CSMD1: variants seen among roughly 807,000 people sequenced by gnomAD.
CSMD1 encodes the protein CUB and Sushi multiple domains 1.
A neutral mutation model predicts 417.5 loss-of-function variants in CSMD1; 213 were observed. The observed-to-expected ratio is 0.51, with a 90% CI of 0.46 to 0.57. CSMD1 has a LOEUF of 0.57. Among genes scored for constraint, CSMD1 ranks in the 20% least tolerant of loss-of-function variants. The pLI is 0.00. For synonymous variants in CSMD1, 2,862 were observed against 1,736.8 expected, an observed-to-expected ratio of 1.65 and a Z score of -16.11; for missense variants, 6,923 against 4,529.7, an observed-to-expected ratio of 1.53 and a Z score of -15.17.
rs143859556 is a variant in CSMD1, at chr8:4,889,195, C to T, written c.85+105137G>A. ...GTGGAGAATACTGACAGACATGCCC[C>T]AACCAAGTGTCAAAGCTGGTATCAG... is the stretch of plus-strand genomic sequence containing the variant. On this transcript the variant is annotated intron_variant, in intron 1 of 69. Coordinates refer to ENST00000635120, the MANE Select transcript of CSMD1 (RefSeq NM_033225.6). 7.9e-5 allele frequency among the ~76,000 whole-genome samples: 12 copies of T among 152,190 alleles called. No individual in the cohort carries two copies. In the East Asian group the frequency reaches 1.9e-3, roughly 24 times the overall value.
chr8:3,292,655 C>T (rs538388698), intron 25 of CSMD1, among the ~76,000 whole-genome samples: 1 of 152,096 alleles, frequency 6.6e-6, no homozygotes, highest in Non-Finnish European at 1.5e-5. Flanking sequence ...GCAACCCCTG[C>T]CTTTTTTGTT....
intron 3 of CSMD1, among the ~76,000 whole-genome samples, chr8:4,233,945 T>C (rs1301128368): frequency 1.4e-5 from 2 of 147,292 alleles, no homozygotes; most frequent in Non-Finnish European, 3.0e-5. Context: ...GTGAGACTAA[T>C]GCATGGAGAG....
At chr8:4,422,249 G>A (rs1208016552) in intron 2 of CSMD1, among the ~76,000 whole-genome samples, 2 of 152,142 alleles carry the variant, frequency 1.3e-5, no homozygotes, top group South Asian at 2.1e-4. Context: ...GTCTCTTCCA[G>A]AAAGTGTAAG....
At chr8:3,384,249 A>G (rs1396462958) in intron 18 of CSMD1, among the ~76,000 whole-genome samples, 1 of 152,154 alleles carries the variant, frequency 6.6e-6, no homozygotes, top group Non-Finnish European at 1.5e-5. Context: ...TCACATAATA[A>G]TTTTAAGTTT....
chr8:3,868,662 C>G (rs1335463431), intron 5 of CSMD1, among the ~76,000 whole-genome samples: 8 of 152,190 alleles, frequency 5.3e-5, no homozygotes, highest in Non-Finnish European at 1.0e-4. Context: ...AAACTCATAC[C>G]TCTGCAATCT....
rs569944977 is a variant in CSMD1 at position 4,425,511 on chromosome 8, C to A, written c.303-5446G>T. 3.9e-5 allele frequency among the ~76,000 whole-genome samples: 6 copies of A among 152,176 alleles called. No individual in the cohort carries two copies. The East Asian group carries it at 9.7e-4, about 25-fold the overall frequency. ...AATGTTTATAGCCATTTACTCCACA[C>A]TGGCTGCGAGTAAGGAATCTTATAA... is the stretch of plus-strand genomic sequence containing the variant. On this transcript the variant is annotated intron_variant, in intron 2 of 69. Transcript: ENST00000635120.
chr8:3,964,524 G>T (rs1812545194), intron 5 of CSMD1, among the ~76,000 whole-genome samples: 2 of 152,252 alleles, frequency 1.3e-5, no homozygotes, highest in Middle Eastern at 3.4e-3. Flanking sequence ...AGCTCTCATA[G>T]GAAGAAATGA....
At chr8:4,860,405 G>GTA (rs1394409782) in intron 1 of CSMD1, among the ~76,000 whole-genome samples, 1 of 150,268 alleles carries the variant, frequency 6.7e-6, no homozygotes, top group Non-Finnish European at 1.5e-5. Context: ...AAAACTTAAA[G>GTA]TATATAAAAA....
intron 1 of CSMD1, among the ~76,000 whole-genome samples, chr8:4,796,199 C>A (rs976770143): frequency 1.3e-5 from 2 of 151,924 alleles, no homozygotes; most frequent in South Asian, 2.1e-4. Flanking sequence ...GGAAGACCAG[C>A]TCCCCCTGCA....
chr8:3,579,482 C>T (rs148556545), intron 9 of CSMD1, among the ~76,000 whole-genome samples: 1 of 152,250 alleles, frequency 6.6e-6, no homozygotes, highest in African/African-American at 2.4e-5. Flanking sequence ...TCAGGAGTCG[C>T]ATTAGAAGCT....
chr8:4,692,493 A>G (rs1332764255), intron 1 of CSMD1, among the ~76,000 whole-genome samples: 1 of 152,092 alleles, frequency 6.6e-6, no homozygotes, highest in Non-Finnish European at 1.5e-5. Context: ...AGGGGTTGAT[A>G]AAAAGAAAAT....
chr8:3,497,130 T>C (rs1189602187), intron 10 of CSMD1, among the ~76,000 whole-genome samples: 2 of 152,190 alleles, frequency 1.3e-5, no homozygotes, highest in Non-Finnish European at 2.9e-5. Context: ...AGCTGTTGGA[T>C]GAAATGTTCT....
chr8:3,899,152 G>C (rs941815569), intron 5 of CSMD1, among the ~76,000 whole-genome samples: 3 of 152,188 alleles, frequency 2.0e-5, no homozygotes, highest in African/African-American at 7.2e-5. Context: ...CACAAAGATT[G>C]CCAGTACTGT....
chr8:4,753,336 C>G (rs765231150), intron 1 of CSMD1, among the ~76,000 whole-genome samples: 13 of 151,854 alleles, frequency 8.6e-5, no homozygotes, highest in South Asian at 2.1e-4. Flanking sequence ...GGGGCTAGCA[C>G]TGTCTGCTTT....
chr8:3,533,128 C>T (rs1340331801), intron 10 of CSMD1, among the ~76,000 whole-genome samples: 1 of 152,162 alleles, frequency 6.6e-6, no homozygotes, highest in African/African-American at 2.4e-5. Context: ...CATGAAAGGA[C>T]TTATTTTTGC....
chr8:4,599,142 A>T (rs1800445580), intron 2 of CSMD1, among the ~76,000 whole-genome samples: 1 of 152,180 alleles, frequency 6.6e-6, no homozygotes, highest in Admixed American at 6.5e-5. Flanking sequence ...GGTATTAAAA[A>T]ATCCAACGTA....
chr8:3,888,701 T>C (rs994530660), intron 5 of CSMD1, among the ~76,000 whole-genome samples: 4 of 152,130 alleles, frequency 2.6e-5, no homozygotes, highest in African/African-American at 9.7e-5. Context: ...GGGACAGAGA[T>C]GGTGCTGCTG....
intron 3 of CSMD1, among the ~76,000 whole-genome samples, chr8:4,097,156 C>G (rs1221646662): frequency 6.6e-6 from 1 of 152,140 alleles, no homozygotes; most frequent in Admixed American, 6.6e-5. Flanking sequence ...TTCTTTCTGT[C>G]ATGCTTACCA....
intron 10 of CSMD1, among the ~76,000 whole-genome samples, chr8:3,568,654 A>T (rs1382590964): frequency 6.6e-6 from 1 of 152,092 alleles, no homozygotes; most frequent in East Asian, 1.9e-4. Context: ...TTTAACTTAG[A>T]ACACACACCT....
Sources: allele counts gnomAD v4.1 joint callset (sites outside exome capture counted in the v4.1 genomes callset), GRCh38; gene constraint gnomAD v4.1.1; transcripts MANE v1.5; gene names NCBI Gene and HGNC (gene_info 2026-07-23, HGNC 2026-07-21).